HSPA4: variants seen among roughly 807,000 people sequenced by gnomAD.
HSPA4 encodes heat shock 70 kDa protein 4.
In HSPA4, 25 loss-of-function variants were observed where a neutral mutation model predicts 106.2. The observed-to-expected ratio is 0.24, with a 90% CI of 0.17 to 0.33. The LOEUF is 0.33. Among genes scored for constraint, HSPA4 ranks in the 10% least tolerant of loss-of-function variants. The probability of loss-of-function intolerance (pLI) is 1.00; values close to 1 mark genes in which losing one functional copy is unlikely to be tolerated. For synonymous variants in HSPA4, 332 were observed against 333.6 expected (o/e 1.00, Z 0.05); for missense variants, 841 against 996.0 (o/e 0.84, Z 2.10).
Position 133,096,089 on chromosome 5 carries a change from T to C in HSPA4, c.1651-9T>C, listed in dbSNP as rs372093136. ...ATGTGTTTGTTCTTAATGATTTCTA[T>C]TGTTTTAGACCTCTCAAGCTGGATC... is the stretch of plus-strand genomic sequence containing the variant. On this transcript the variant is annotated splice_polypyrimidine_tract_variant and intron_variant, in intron 13 of 18. Coordinates refer to ENST00000304858, the MANE Select transcript of HSPA4 (RefSeq NM_002154.4). 1.1e-5 allele frequency: 18 copies of C among 1,610,006 alleles called. No homozygotes were observed. The East Asian group carries it at 2.7e-4, about 24-fold the overall frequency.
intron 7 of HSPA4, among the ~76,000 whole-genome samples, chr5:133,078,322 T>C (rs1231785060): frequency 6.8e-6 from 1 of 146,598 alleles, no homozygotes; most frequent in Non-Finnish European, 1.5e-5. Context: ...ACAGTGAGAC[T>C]CCGTCTCAAA....
intron 4 of HSPA4, among the ~76,000 whole-genome samples, chr5:133,071,708 T>A (rs1267653353): frequency 6.6e-6 from 1 of 152,220 alleles, no homozygotes; most frequent in Admixed American, 6.5e-5. Flanking sequence ...GTTAGGTGGC[T>A]TTTTCACCCC....
chr5:133,059,077 G>A (rs764699055), intron 1 of HSPA4, among the ~76,000 whole-genome samples: 20 of 151,630 alleles, frequency 1.3e-4, no homozygotes, highest in Non-Finnish European at 2.5e-4. Flanking sequence ...GCAGTGAGCC[G>A]AGATGGTGCC....
intron 2 of HSPA4, 126 bp downstream of exon 2, chr5:133,065,163 A>T: frequency 1.4e-6 from 1 of 715,796 alleles, no homozygotes; most frequent in Non-Finnish European, 2.4e-6. Flanking sequence ...GCAGATACAG[A>T]CCTCTTCTCT....
intron 1 of HSPA4, among the ~76,000 whole-genome samples, chr5:133,064,324 G>A (rs1765281446): frequency 6.6e-6 from 1 of 152,154 alleles, no homozygotes; most frequent in African/African-American, 2.4e-5. Context: ...TGACCAACAT[G>A]GTGAAACTCC....
rs754412091 is a variant in HSPA4, at chr5:133,089,673, G to T, written c.1356G>T (p.Leu452Phe). Residue 452 changes from leucine (L) to phenylalanine (F), a missense_variant, in exon 11 of 19, where the codon TTG becomes TTT. Leu to Phe is a conservative substitution (Grantham distance 22). Transcript: ENST00000304858. Reference protein sequence around the residue: ...LEAYYSSPQDLPYPDPAIAQF... With the variant: ...LEAYYSSPQDFPYPDPAIAQF... Reference sequence around the variant, plus strand: ...CCTACTACAGCTCTCCTCAGGATTTGCCCTATCCAGATCCTGCTATAGGTA... The same window carrying T: ...CCTACTACAGCTCTCCTCAGGATTTTCCCTATCCAGATCCTGCTATAGGTA... 6.2e-7 allele frequency: 1 copy of T among 1,606,090 alleles called. No homozygotes were observed. The highest frequency in any genetic ancestry group is 1.7e-4 in the Middle Eastern group (1 of 6,034).
intron 1 of HSPA4, among the ~76,000 whole-genome samples, chr5:133,064,738 C>G (rs1399569683): frequency 6.6e-6 from 1 of 152,152 alleles, no homozygotes; most frequent in African/African-American, 2.4e-5. Context: ...TAGCCCACCT[C>G]TCTAGTATTC....
intron 14 of HSPA4, among the ~76,000 whole-genome samples, chr5:133,096,664 T>G (rs1281549193): frequency 6.6e-6 from 1 of 152,226 alleles, no homozygotes; most frequent in Admixed American, 6.5e-5. Flanking sequence ...CCAGTCAGTA[T>G]GTAAATATAG....
intron 5 of HSPA4, 53 bp downstream of exon 5, chr5:133,073,382 A>G (rs56121115): frequency 0.25 from 301,346 of 1,222,740 alleles, 38,366 homozygotes; most frequent in Middle Eastern, 0.27. Flanking sequence ...GAAGATTGTG[A>G]AATTTTAAAA....
intron 1 of HSPA4, among the ~76,000 whole-genome samples, chr5:133,054,613 A>G (rs1765135800): frequency 6.6e-6 from 1 of 152,108 alleles, no homozygotes; most frequent in Admixed American, 6.6e-5. Context: ...ATTTTAGAAC[A>G]TTTTTATCAC....
At chr5:133,092,652 G>C in intron 12 of HSPA4, 48 bp from the exon 13 acceptor site, 1 of 1,200,254 alleles carries the variant, frequency 8.3e-7, no homozygotes, top group Non-Finnish European at 1.2e-6. Flanking sequence ...TGTAATGAAG[G>C]TTGTTTAGTC....
chr5:133,066,332 T>C (rs983987717), intron 2 of HSPA4, among the ~76,000 whole-genome samples: 1 of 152,200 alleles, frequency 6.6e-6, no homozygotes, highest in East Asian at 1.9e-4. Flanking sequence ...ATCTCCTGCA[T>C]TGGGAGGAGC....
Position 133,102,913 on chromosome 5 carries a change from C to CT in HSPA4, c.2158-935dup, listed in dbSNP as rs533273263. Among the ~76,000 whole-genome samples the CT allele has an allele frequency of 7.7e-3, 795 of 103,294 alleles. 12 individuals carry two copies. The highest frequency in any genetic ancestry group is 9.9e-3 in the Non-Finnish European group (537 of 54,160). 67.8% of individuals were successfully genotyped at this position (103,294 alleles called of 152,430 possible). ...TACCACCACACCCAACTAGGGTTGTCTTTTTTTTTTTTTTTTTGAGATGGC... is the reference window on the plus strand; with the variant it reads ...TACCACCACACCCAACTAGGGTTGTCTTTTTTTTTTTTTTTTTTGAGATGGC... On this transcript the variant is annotated intron_variant, in intron 17 of 18. Coordinates refer to ENST00000304858, the MANE Select transcript of HSPA4 (RefSeq NM_002154.4).
At position 133,052,343 on chromosome 5, in the gene HSPA4, C is replaced by T. The variant is rs867766032; in HGVS notation, c.93C>T (p.Ser31=). 1.3e-6 allele frequency: 2 copies of T among 1,564,030 alleles called. No homozygotes were observed. The highest frequency in any genetic ancestry group is 1.7e-6 in the Non-Finnish European group (2 of 1,157,210). The change falls in exon 1 of 19, where the codon AGC becomes AGT. Residue 31 remains serine (S), a synonymous_variant. Coordinates refer to ENST00000304858, the MANE Select transcript of HSPA4 (RefSeq NM_002154.4). ...GGIETIANEY[S]DRCTPACISF... Reference sequence around the variant, plus strand: ...TCGAGACTATCGCTAATGAGTATAGCGACCGCTGCACGCCGTAAGTGTGGG... The same window carrying T: ...TCGAGACTATCGCTAATGAGTATAGTGACCGCTGCACGCCGTAAGTGTGGG...
chr5:133,067,760 T>C (rs73264406), intron 3 of HSPA4, among the ~76,000 whole-genome samples: 3,442 of 152,240 alleles, frequency 0.023, 129 homozygotes, highest in African/African-American at 0.075. Context: ...GCTCTTAATA[T>C]GGGTTGGAGA....
chr5:133,089,762 C>A, intron 11 of HSPA4, 67 bp downstream of exon 11: 1 of 1,288,614 alleles, frequency 7.8e-7, no homozygotes, highest in South Asian at 1.6e-5. Context: ...AACTGTAATC[C>A]CAACACTTTG....
At chr5:133,083,144 C>CAAA (rs1234574679) in intron 7 of HSPA4, among the ~76,000 whole-genome samples, 10 of 70,728 alleles carry the variant, frequency 1.4e-4, no homozygotes, top group Middle Eastern at 0.01. Flanking sequence ...CAAAAAAATA[C>CAAA]AAAAAAAAAA....
At position 133,075,139 on chromosome 5, in the gene HSPA4, T is replaced by A. The variant is rs547618634; in HGVS notation, c.663+1013T>A. On this transcript the variant is annotated intron_variant, in intron 6 of 18. Coordinates refer to ENST00000304858, the MANE Select transcript of HSPA4 (RefSeq NM_002154.4). ...TGGTTTTATATTGTTTCTAGGTGGT[T>A]TTGTTTTTAAATAAAAAGAAAGCGA... is the stretch of plus-strand genomic sequence containing the variant. Among the ~76,000 whole-genome samples, 10 of 152,324 alleles carry A rather than the reference T, an allele frequency of 6.6e-5. No homozygotes were observed. In the South Asian group the frequency reaches 1.7e-3, roughly 25 times the overall value.
intron 17 of HSPA4, among the ~76,000 whole-genome samples, chr5:133,102,520 T>A (rs1260384427): frequency 6.6e-6 from 1 of 152,162 alleles, no homozygotes; most frequent in African/African-American, 2.4e-5. Flanking sequence ...GGGGGTGGTA[T>A]CAACATTTAT....
Sources: gnomAD v4.1 joint callset for allele counts (sites outside exome capture counted in the v4.1 genomes callset) on GRCh38, gnomAD v4.1.1 for gene constraint, MANE v1.5 for transcripts, NCBI Gene and HGNC (gene_info 2026-07-23, HGNC 2026-07-21) for gene names.